Variants in NNT observed in about 807,000 individuals in gnomAD.
NNT encodes the protein NAD(P) transhydrogenase, mitochondrial.
Under a neutral mutation model 104.8 loss-of-function variants are expected in NNT, and 50 were observed. The ratio of observed to expected loss-of-function variants is 0.48; its 90% confidence interval spans 0.38 to 0.60. NNT has a LOEUF of 0.60. Ranked by LOEUF, NNT falls within the 20% of genes least tolerant of loss-of-function variation. The pLI is 0.00. For synonymous variants in NNT, 461 were observed against 490.4 expected (o/e 0.94, Z 0.79); for missense variants, 1,131 against 1,330.7 (o/e 0.85, Z 2.33).
Position 43,702,566 on chromosome 5 carries a change from AT to A in NNT, c.2996-54del, listed in dbSNP as rs978846543. The A allele has an allele frequency of 5.5e-6, 6 of 1,097,396 alleles. No homozygotes were observed. The African/African-American group carries it at 9.7e-5, about 18-fold the overall frequency. The allele number at this position is 1,097,396 out of a possible 1,614,324, so 68.0% of individuals were successfully genotyped here. On this transcript the variant is annotated intron_variant, in intron 20 of 21. Transcript: ENST00000344920. ...AGATCACTATAATTTGTCTGAAAAT[AT>A]GTAAAAGTGACCATTTGAGTTTTAT...
chr5:43,702,044 C>A (rs1285114008), intron 20 of NNT, among the ~76,000 whole-genome samples: 4 of 151,978 alleles, frequency 2.6e-5, no homozygotes, highest in Non-Finnish European at 5.9e-5. Context: ...TGAATATTTT[C>A]TCTCATTCTG....
At chr5:43,639,086 A>G (rs1751086417) in intron 7 of NNT, among the ~76,000 whole-genome samples, 1 of 152,138 alleles carries the variant, frequency 6.6e-6, no homozygotes, top group African/African-American at 2.4e-5. Context: ...AAAGAAGCCA[A>G]TGATATATTC....
intron 2 of NNT, among the ~76,000 whole-genome samples, chr5:43,612,300 T>C (rs1749543181): frequency 6.6e-6 from 1 of 152,218 alleles, no homozygotes; most frequent in South Asian, 2.1e-4. Context: ...AGTCATCTTA[T>C]AAGGTGCAGC....
chr5:43,655,456 CTT>C (rs1423363810), intron 14 of NNT, among the ~76,000 whole-genome samples: 1 of 152,090 alleles, frequency 6.6e-6, no homozygotes, highest in East Asian at 1.9e-4. Context: ...TTAACACAAA[CTT>C]TGTTTCAAGC....
chr5:43,633,226 C>T (rs1039058335), intron 7 of NNT, among the ~76,000 whole-genome samples: 1 of 152,186 alleles, frequency 6.6e-6, no homozygotes, highest in Non-Finnish European at 1.5e-5. Context: ...ATCATAGTCT[C>T]CCACTCCCCA....
At chr5:43,643,300 G>A (rs1751330726) in intron 7 of NNT, among the ~76,000 whole-genome samples, 1 of 152,194 alleles carries the variant, frequency 6.6e-6, no homozygotes, top group Non-Finnish European at 1.5e-5. Context: ...TTTATGAAAT[G>A]TGAACACGAT....
At chr5:43,613,712 T>G (rs937400799) in intron 3 of NNT, 6 of 152,152 alleles carry the variant, frequency 3.9e-5, no homozygotes, top group Non-Finnish European at 8.8e-5. Context: ...AAATAAAAAA[T>G]CCTTTAGAGA....
chr5:43,613,997 T>TAGTAAA (rs1749644977), intron 3 of NNT, among the ~76,000 whole-genome samples: 1 of 152,216 alleles, frequency 6.6e-6, no homozygotes, highest in Non-Finnish European at 1.5e-5. Context: ...TGAAAGTTAA[T>TAGTAAA]AGTAAAATTT....
At chr5:43,612,609 C>T (rs1280042955) in intron 2 of NNT, among the ~76,000 whole-genome samples, 2 of 152,050 alleles carry the variant, frequency 1.3e-5, no homozygotes, top group Admixed American at 6.5e-5. Flanking sequence ...GATCTCTAAA[C>T]CCATTTTTTT....
At chr5:43,618,585 A>G (rs1236820544) in intron 4 of NNT, among the ~76,000 whole-genome samples, 1 of 152,262 alleles carries the variant, frequency 6.6e-6, no homozygotes, top group Non-Finnish European at 1.5e-5. Context: ...TGAAGGATGT[A>G]TAGTCCTAGT....
chr5:43,647,745 T>C (rs762252457), intron 10 of NNT, among the ~76,000 whole-genome samples: 17 of 152,206 alleles, frequency 1.1e-4, no homozygotes, highest in Non-Finnish European at 1.6e-4. Context: ...ATTTTTATCA[T>C]AGATGCCTAA....
intron 3 of NNT, 73 bp downstream of exon 3, chr5:43,613,210 T>A: frequency 1.7e-6 from 2 of 1,196,694 alleles, no homozygotes; most frequent in Non-Finnish European, 2.4e-6. Flanking sequence ...AAAATTAAAT[T>A]ACTTTATCTG....
rs1363967283 is a variant in NNT at position 43,705,083 on chromosome 5, A to C, written c.*679A>C. On this transcript the variant is annotated 3_prime_UTR_variant, in exon 22 of 22. Transcript: ENST00000344920. ...TCATTAGAATACCAATGAAACATACAACTTGAAAATTAGTAATAGTATTTT... is the reference window on the plus strand; with the variant it reads ...TCATTAGAATACCAATGAAACATACCACTTGAAAATTAGTAATAGTATTTT... 2 of 152,172 alleles carry C rather than the reference A, an allele frequency of 1.3e-5. No homozygotes were observed. Among genetic ancestry groups the C allele is most frequent in the Non-Finnish European group, 2.9e-5 (2 of 68,026 alleles). The allele number at this position is 152,172 out of a possible 1,614,324, so 9.4% of individuals were successfully genotyped here.
intron 3 of NNT, 22 bp from the exon 4 acceptor site, chr5:43,615,826 T>C (rs201881831): frequency 2.6e-6 from 4 of 1,550,988 alleles, no homozygotes; most frequent in Non-Finnish European, 3.5e-6. Context: ...ATTTATAATC[T>C]GTGACTTGAT....
intron 17 of NNT, among the ~76,000 whole-genome samples, chr5:43,673,103 G>A (rs948000396): frequency 2.6e-5 from 4 of 152,270 alleles, no homozygotes; most frequent in African/African-American, 7.2e-5. Context: ...CTATAATCTG[G>A]TGTGCCATTT....
At chr5:43,694,154 G>A (rs962172649) in intron 19 of NNT, among the ~76,000 whole-genome samples, 17 of 152,198 alleles carry the variant, frequency 1.1e-4, no homozygotes, top group African/African-American at 3.1e-4. Context: ...TGCTGAAGTT[G>A]TTTATCAGCT....
intron 7 of NNT, among the ~76,000 whole-genome samples, chr5:43,642,273 C>G (rs1301888923): frequency 5.9e-5 from 9 of 152,138 alleles, no homozygotes; most frequent in Non-Finnish European, 1.0e-4. Flanking sequence ...ATGCGCCCCT[C>G]TATGTTGAGG....
chr5:43,648,978 C>T (rs560231902), intron 10 of NNT, among the ~76,000 whole-genome samples, 169 bp from the exon 11 acceptor site: 28 of 152,242 alleles, frequency 1.8e-4, no homozygotes, highest in African/African-American at 5.8e-4. Flanking sequence ...CACAGTATTC[C>T]TCCATCCCCC....
intron 1 of NNT, among the ~76,000 whole-genome samples, chr5:43,603,726 C>G (rs772290998): frequency 6.6e-5 from 10 of 151,978 alleles, no homozygotes; most frequent in Non-Finnish European, 7.4e-5. Flanking sequence ...TTTCGATGGG[C>G]GGTTCATCCA....
Sources: gnomAD v4.1 joint callset for allele counts (sites outside exome capture counted in the v4.1 genomes callset) on GRCh38, gnomAD v4.1.1 for gene constraint, MANE v1.5 for transcripts, NCBI Gene and HGNC (gene_info 2026-07-23, HGNC 2026-07-21) for gene names.